APOD: variants seen among roughly 807,000 people sequenced by gnomAD.
The protein encoded by APOD is apolipoprotein D.
In APOD, 22 loss-of-function variants were observed where a neutral mutation model predicts 20.4. The ratio of observed to expected loss-of-function variants is 1.08; its 90% CI spans 0.77 to 1.54. The LOEUF (loss-of-function observed/expected upper bound fraction) is 1.54. Among genes scored for constraint, APOD ranks in the 40% most tolerant of loss-of-function variants. The probability of loss-of-function intolerance (pLI) is 0.00; values close to 1 mark genes in which losing one functional copy is unlikely to be tolerated. For synonymous variants in APOD, 97 were observed against 92.4 expected, an observed-to-expected ratio of 1.05 and a Z score of -0.29; for missense variants, 223 against 229.6, an observed-to-expected ratio of 0.97 and a Z score of 0.19.
chr3:195,581,673 C>T (rs1433758106), intron 1 of APOD, among the ~76,000 whole-genome samples: 1 of 152,236 alleles, frequency 6.6e-6, no homozygotes, highest in Non-Finnish European at 1.5e-5. Flanking sequence ...TAGGGCCTTT[C>T]AATAACCCCC....
chr3:195,571,406 A>C, intron 3 of APOD, 41 bp from the exon 4 acceptor site: 1 of 1,561,076 alleles, frequency 6.4e-7, no homozygotes, highest in Non-Finnish European at 8.7e-7. Context: ...AAAAACGAAA[A>C]GAGAAAAGAA....
chr3:195,579,523 G>C, intron 1 of APOD, 28 bp from the exon 2 acceptor site: 2 of 1,593,902 alleles, frequency 1.3e-6, no homozygotes, highest in Non-Finnish European at 1.7e-6. Flanking sequence ...AGCTGGGGTT[G>C]TCATTCTGAG....
chr3:195,573,200 A>T (rs1720195135), intron 3 of APOD, among the ~76,000 whole-genome samples: 1 of 152,234 alleles, frequency 6.6e-6, no homozygotes, highest in South Asian at 2.1e-4. Flanking sequence ...CAACATGTTC[A>T]TGGAAAAACT....
In APOD at chr3:195,568,838, G is replaced by C. The variant is rs993174403; in HGVS notation, c.*62C>G. ...TTGATTGGTTTGTCTTTATGGGGGGGGGGTAGGGGAAAGCGAAGCAGAAGT... is the reference window on the plus strand; with the variant it reads ...TTGATTGGTTTGTCTTTATGGGGGGCGGGTAGGGGAAAGCGAAGCAGAAGT... On this transcript the variant is annotated 3_prime_UTR_variant, in exon 5 of 5. Transcript: ENST00000343267. The C allele has an allele frequency of 2.8e-5, 31 of 1,118,376 alleles. 1 individual carries two copies. The Middle Eastern group carries it at 6.4e-4, about 23-fold the overall frequency. The allele number at this position is 1,118,376 out of a possible 1,614,324, so 69.3% of individuals were successfully genotyped here. A position where few individuals can be genotyped will look rare whatever the true frequency, so the allele number is the denominator to read the frequency against.
chr3:195,572,088 T>C (rs893476459), intron 3 of APOD, among the ~76,000 whole-genome samples: 23 of 152,222 alleles, frequency 1.5e-4, no homozygotes, highest in Admixed American at 1.0e-3. Flanking sequence ...GCAGATTCAC[T>C]TCTTTTTAAA....
chr3:195,572,724 T>C (rs886588192), intron 3 of APOD, among the ~76,000 whole-genome samples: 1 of 152,032 alleles, frequency 6.6e-6, no homozygotes, highest in African/African-American at 2.4e-5. Context: ...AGAAAGTCAG[T>C]AGGTTGGCCG....
intron 1 of APOD, among the ~76,000 whole-genome samples, chr3:195,581,153 T>C (rs1437422427): frequency 6.6e-6 from 1 of 152,194 alleles, no homozygotes; most frequent in African/African-American, 2.4e-5. Context: ...CTGGAGGTTT[T>C]GTTGCCTGGT....
At chr3:195,583,826 C>G (rs1307443358) in intron 1 of APOD, 52 bp downstream of exon 1, 4 of 151,976 alleles carry the variant, frequency 2.6e-5, no homozygotes, top group Non-Finnish European at 5.9e-5. Flanking sequence ...TAGACTGTTT[C>G]TATTTTAGAC....
chr3:195,575,717 T>A (rs1191267965), intron 2 of APOD, among the ~76,000 whole-genome samples: 1 of 152,160 alleles, frequency 6.6e-6, no homozygotes, highest in African/African-American at 2.4e-5. Flanking sequence ...AACCTCTGCC[T>A]CCCGGGTGCA....
Position 195,573,913 on chromosome 3 carries a change from C to T in APOD, c.182G>A (p.Cys61Tyr), listed in dbSNP as rs1720208329. The T allele has an allele frequency of 6.2e-7, 1 of 1,614,188 alleles. No homozygotes were observed. Among genetic ancestry groups the T allele is most frequent in the Non-Finnish European group, 8.5e-7 (1 of 1,180,038 alleles). Residue 61 changes from cysteine to tyrosine, a missense_variant, in exon 3 of 5, where the codon TGC (cysteine) becomes TAC (tyrosine). Coordinates refer to ENST00000343267, the MANE Select transcript of APOD (RefSeq NM_001647.4). ...KIPTTFENGR[C>Y]IQANYSLMEN... ...CATTAGTGAGTAGTTGGCCTGGATG[C>T]AGCGTCCATTCTCAAAGGTTGTTGG...
chr3:195,578,129 A>C lies in APOD; in HGVS notation c.123+1210T>G, dbSNP rs79504056. ...CTTTAATTCTCAAAGGACTTCTATA[A>C]ATACAGATCAGTTATCATTTCCAAA... On this transcript the variant is annotated intron_variant, in intron 2 of 4. Transcript: ENST00000343267. Among the ~76,000 whole-genome samples the C allele has an allele frequency of 8.5e-3, 1,300 of 152,310 alleles. 6 individuals are homozygous for C. Among genetic ancestry groups the C allele is most frequent in the Non-Finnish European group, 0.014 (955 of 68,022 alleles).
chr3:195,580,416 T>C (rs1484570733), intron 1 of APOD, among the ~76,000 whole-genome samples: 2 of 151,800 alleles, frequency 1.3e-5, no homozygotes, highest in Non-Finnish European at 2.9e-5. Flanking sequence ...TTGTTTTGTT[T>C]TGTTTTGAGA....
intron 2 of APOD, among the ~76,000 whole-genome samples, chr3:195,575,013 T>C (rs948655678): frequency 1.3e-5 from 2 of 152,226 alleles, no homozygotes; most frequent in African/African-American, 2.4e-5. Context: ...TATCTTGCAG[T>C]TGTGTAAGTC....
chr3:195,580,037 C>T (rs984502072), intron 1 of APOD, among the ~76,000 whole-genome samples: 1 of 152,168 alleles, frequency 6.6e-6, no homozygotes, highest in Non-Finnish European at 1.5e-5. Context: ...TCTACCAGCC[C>T]AAGAGTGCGC....
chr3:195,572,739 T>G (rs190081655), intron 3 of APOD, among the ~76,000 whole-genome samples: 2 of 152,090 alleles, frequency 1.3e-5, no homozygotes, highest in South Asian at 2.1e-4. Context: ...TGGCCGGGCG[T>G]GGTGGCTCAC....
At chr3:195,580,566 G>A (rs1386239817) in intron 1 of APOD, among the ~76,000 whole-genome samples, 6 of 151,942 alleles carry the variant, frequency 3.9e-5, no homozygotes, top group South Asian at 4.2e-4. Flanking sequence ...CACAACTCCC[G>A]GCTAATTTTG....
intron 1 of APOD, among the ~76,000 whole-genome samples, chr3:195,580,840 G>T (rs1341584713): frequency 1.3e-5 from 2 of 152,228 alleles, no homozygotes; most frequent in African/African-American, 4.8e-5. Context: ...GGGCAGCAAG[G>T]CAGGGAGACA....
intron 1 of APOD, among the ~76,000 whole-genome samples, 192 bp downstream of exon 1, chr3:195,583,686 G>A (rs912346393): frequency 6.6e-6 from 1 of 152,124 alleles, no homozygotes; most frequent in African/African-American, 2.4e-5. Context: ...CTTTATCACT[G>A]GAAAAATGGC....
At chr3:195,581,809 C>T (rs1258436055) in intron 1 of APOD, among the ~76,000 whole-genome samples, 1 of 152,204 alleles carries the variant, frequency 6.6e-6, no homozygotes, top group Non-Finnish European at 1.5e-5. Flanking sequence ...AGGAGGATTT[C>T]AGAACAACCC....
Sources: gnomAD v4.1 joint callset for allele counts (sites outside exome capture counted in the v4.1 genomes callset) on GRCh38, gnomAD v4.1.1 for gene constraint, MANE v1.5 for transcripts, NCBI Gene and HGNC (gene_info 2026-07-23, HGNC 2026-07-21) for gene names.